TECR: variants seen among roughly 807,000 people sequenced by gnomAD.
TECR encodes the protein trans-2,3-enoyl-CoA reductase.
Under a neutral mutation model 50.6 loss-of-function variants are expected in TECR, and 19 were observed. The ratio of observed to expected loss-of-function variants is 0.38; its 90% CI spans 0.26 to 0.55. The LOEUF is 0.55. Ranked by LOEUF, TECR falls within the 20% of genes least tolerant of loss-of-function variation. The pLI, the probability that TECR is intolerant of heterozygous loss-of-function variation, is 0.79. For synonymous variants in TECR, 168 were observed against 163.5 expected (o/e 1.03, Z -0.21); for missense variants, 313 against 408.3 (o/e 0.77, Z 2.01).
chr19:14,542,355 T>TTTTTTTTTG (rs1568404109), intron 1 of TECR, among the ~76,000 whole-genome samples: 10 of 120,712 alleles, frequency 8.3e-5, no homozygotes, highest in East Asian at 2.2e-4. Flanking sequence ...GTGTTTTTTT[T>TTTTTTTTTG]TTTTTTTTTT....
chr19:14,551,853 C>T (rs1189158653), intron 1 of TECR, among the ~76,000 whole-genome samples: 4 of 151,414 alleles, frequency 2.6e-5, no homozygotes, highest in African/African-American at 9.7e-5. Context: ...TGGTTTTACC[C>T]TTATTTCTTT....
intron 1 of TECR, among the ~76,000 whole-genome samples, chr19:14,541,832 G>T (rs928762634): frequency 6.6e-6 from 1 of 151,404 alleles, no homozygotes; most frequent in East Asian, 1.9e-4. Context: ...ACCAAGGCTG[G>T]AGTGCAATGG....
Position 14,564,215 on chromosome 19 carries a change from C to G in TECR, c.417C>G (p.Ile139Met). The change falls in exon 7 of 13, where the codon ATC (isoleucine) becomes ATG (methionine). Residue 139 changes from isoleucine (I) to methionine (M), a missense_variant. Ile to Met is a conservative substitution (Grantham distance 10). Transcript: ENST00000215567. ...LACICHSFHY[I>M]KRLLETLFVH... ...GCATCTGTCACTCATTCCACTACAT[C>G]AAGCGCCTGCTGGAGACGCTCTTCG... The G allele has an allele frequency of 6.2e-7, 1 of 1,608,294 alleles. No homozygotes were observed. Among genetic ancestry groups the G allele is most frequent in the African/African-American group, 1.3e-5 (1 of 74,916 alleles).
chr19:14,563,158 T>C lies in TECR; in HGVS notation c.67-48T>C. On this transcript the variant is annotated intron_variant, in intron 2 of 12. Coordinates refer to ENST00000215567, the MANE Select transcript of TECR (RefSeq NM_138501.6). The surrounding 1 kb of genome is among the most constrained non-coding windows in gnomAD (Gnocchi z 5.3). ...CCCTTTAGTACCTCCCCATCCTGAG[T>C]CTGGGCTCCCCGCAGAGCTGACGTC... 6.2e-7 allele frequency: 1 copy of C among 1,613,346 alleles called. No individual in the cohort carries two copies. Among genetic ancestry groups the C allele is most frequent in the Non-Finnish European group, 8.5e-7 (1 of 1,179,696 alleles).
intron 1 of TECR, among the ~76,000 whole-genome samples, chr19:14,559,585 G>A (rs1599488563): frequency 6.6e-6 from 1 of 152,072 alleles, no homozygotes; most frequent in Non-Finnish European, 1.5e-5. Context: ...TCAGGAGTTC[G>A]AGACCAGCCT....
intron 1 of TECR, 96 bp downstream of exon 1, chr19:14,529,807 C>G: frequency 6.3e-7 from 1 of 1,575,056 alleles, no homozygotes; most frequent in South Asian, 1.1e-5. Context: ...GTCCTGTGCC[C>G]CGAAGGAAGA....
intron 1 of TECR, among the ~76,000 whole-genome samples, chr19:14,539,427 C>T (rs553820590): frequency 8.5e-5 from 13 of 152,182 alleles, no homozygotes; most frequent in South Asian, 2.1e-4. Context: ...GGCTAGAAGA[C>T]AGTCTGGCCA....
chr19:14,540,903 C>T (rs998395137), intron 1 of TECR, among the ~76,000 whole-genome samples: 12 of 151,886 alleles, frequency 7.9e-5, no homozygotes, highest in African/African-American at 2.7e-4. Flanking sequence ...AGAGTGATCT[C>T]GATTCACTGC....
chr19:14,530,966 A>G (rs912170775), intron 1 of TECR: 4 of 152,114 alleles, frequency 2.6e-5, no homozygotes, highest in Admixed American at 6.6e-5. Flanking sequence ...TCTGGCAGCC[A>G]CCATTCTACT....
chr19:14,549,484 C>G (rs147089892), intron 1 of TECR, among the ~76,000 whole-genome samples: 11 of 151,940 alleles, frequency 7.2e-5, no homozygotes, highest in African/African-American at 2.7e-4. Context: ...CCCCCTAACC[C>G]GGCTAAGTTT....
intron 7 of TECR, among the ~76,000 whole-genome samples, chr19:14,564,512 A>G (rs1053287197): frequency 3.4e-5 from 1 of 29,222 alleles, no homozygotes; most frequent in Non-Finnish European, 6.5e-5. Flanking sequence ...CTGCCTATCC[A>G]CCCTAGTCCC....
rs533113372 is a variant in TECR at position 14,544,481 on chromosome 19, A to G, written c.15+14770A>G. On this transcript the variant is annotated intron_variant, in intron 1 of 12. Coordinates refer to ENST00000215567, the MANE Select transcript of TECR (RefSeq NM_138501.6). ...AACTGATCAGGACGAGGATGCTTGC[A>G]TGATCTCGGGGTGTGCGGCCATTCT... 9.2e-5 allele frequency among the ~76,000 whole-genome samples: 14 copies of G among 151,532 alleles called. No homozygotes were observed. The East Asian group carries it at 1.2e-3, about 13-fold the overall frequency.
chr19:14,551,063 A>G (rs1279876985), intron 1 of TECR, among the ~76,000 whole-genome samples: 1 of 151,696 alleles, frequency 6.6e-6, no homozygotes, highest in Non-Finnish European at 1.5e-5. Context: ...TTATATCTGC[A>G]AAGACACTAT....
upstream of TECR, chr19:14,529,349 AG>A (rs2072519880): frequency 4.3e-6 from 2 of 466,444 alleles, no homozygotes; most frequent in Admixed American, 3.4e-5. Context: ...GGCGTGGCAA[AG>A]GGACGCGCGG....
At position 14,541,373 on chromosome 19, in the gene TECR, G is replaced by A. The variant is rs141939970; in HGVS notation, c.15+11662G>A. On this transcript the variant is annotated intron_variant, in intron 1 of 12. Transcript: ENST00000215567. ...ATCATCTCAACCCTCCTGGCACAGC[G>A]GCCCTTCTGAGATGGAAGCTGCCGA... is the stretch of plus-strand genomic sequence containing the variant. 1.4e-4 allele frequency among the ~76,000 whole-genome samples: 22 copies of A among 152,124 alleles called. No individual in the cohort carries two copies. In the East Asian group the frequency reaches 4.0e-3, roughly 28 times the overall value.
chr19:14,562,293 G>C, intron 1 of TECR: 1 of 630,006 alleles, frequency 1.6e-6, no homozygotes, highest in Non-Finnish European at 2.9e-6. Flanking sequence ...CCCGGCCCAG[G>C]GCTGCTTCCC....
At chr19:14,533,180 G>A (rs2072736379) in intron 1 of TECR, among the ~76,000 whole-genome samples, 1 of 151,910 alleles carries the variant, frequency 6.6e-6, no homozygotes, top group South Asian at 2.1e-4. Context: ...CAGCACTTTG[G>A]GACACCAAGG....
At chr19:14,535,543 A>AAT (rs747348455) in intron 1 of TECR, among the ~76,000 whole-genome samples, 353 of 32,618 alleles carry the variant, frequency 0.011, no homozygotes, top group Middle Eastern at 0.021. Context: ...AAAAAAAAAA[A>AAT]ATATATATAT....
chr19:14,543,417 ATATTTTTTTTTTTTTTTTTTT>A (rs1319966959), intron 1 of TECR, among the ~76,000 whole-genome samples: 4 of 9,988 alleles, frequency 4.0e-4, no homozygotes, highest in Admixed American at 1.5e-3. Flanking sequence ...ATATATATAT[ATATTTTTTTTTTTTTTTTTTT>A]TTTTTTTTTT....
Sources: allele counts gnomAD v4.1 joint callset (sites outside exome capture counted in the v4.1 genomes callset), GRCh38; gene constraint gnomAD v4.1.1; non-coding constraint Gnocchi (gnomAD v3.1); transcripts MANE v1.5; gene names NCBI Gene and HGNC (gene_info 2026-07-23, HGNC 2026-07-21).